Variants in NCOR1 observed in about 807,000 individuals in gnomAD.
The protein encoded by NCOR1 is protein phosphatase 1, regulatory subunit 109.
NCOR1 carries 63 observed loss-of-function variants against 288.1 expected under a neutral mutation model. The ratio of observed to expected loss-of-function variants is 0.22; its 90% CI spans 0.18 to 0.27. NCOR1 has a LOEUF of 0.27. Among genes scored for constraint, NCOR1 ranks in the 10% least tolerant of loss-of-function variants. NCOR1 has a pLI of 1.00. For missense variants in NCOR1, 2,397 were observed against 3,019.2 expected (o/e 0.79, Z 4.83); for synonymous variants, 1,007 against 1,065.9 (o/e 0.94, Z 1.08).
chr17:16,122,376 C>G (rs914720838), intron 15 of NCOR1, among the ~76,000 whole-genome samples: 5 of 152,194 alleles, frequency 3.3e-5, no homozygotes, highest in Admixed American at 1.3e-4. Context: ...TTTCCCTTTA[C>G]TTACTTATTC....
chr17:16,153,825 A>G (rs917221297), intron 6 of NCOR1, among the ~76,000 whole-genome samples: 4 of 152,138 alleles, frequency 2.6e-5, no homozygotes, highest in Non-Finnish European at 2.9e-5. Flanking sequence ...AAAATACCAT[A>G]AAATGGCCAC....
intron 1 of NCOR1, among the ~76,000 whole-genome samples, chr17:16,199,378 G>T (rs201424388): frequency 6.6e-6 from 1 of 152,112 alleles, no homozygotes; most frequent in Non-Finnish European, 1.5e-5. Context: ...TGAGATACAC[G>T]GCAACAGTGC....
In NCOR1 at chr17:16,108,179, C is replaced by CAAA. The variant is rs35417050; in HGVS notation, c.2182+604_2182+606dup. 1.6e-3 allele frequency: 236 copies of CAAA among 146,984 alleles called. 1 individual carries two copies. The highest frequency in any genetic ancestry group is 4.5e-3 in the African/African-American group (155 of 34,532). The allele number at this position is 146,984 out of a possible 1,614,324, so 9.1% of individuals were successfully genotyped here. The stretch of plus-strand genomic sequence containing the variant: ...AAATCCCCACATCAGAAGCAATTTC[C>CAAA]AAAAAAAAAAAAAAAAAATCCACAG... On this transcript the variant is annotated intron_variant, in intron 19 of 45. Transcript: ENST00000268712.
Position 16,068,006 on chromosome 17 carries a change from G to C in NCOR1, c.4629C>G (p.Ser1543Arg). The C allele has an allele frequency of 6.2e-7, 1 of 1,614,220 alleles. No homozygotes were observed. Among genetic ancestry groups the C allele is most frequent in the South Asian group, 1.1e-5 (1 of 91,090 alleles). ...TGTGATGGGGATCAAACGGACTGTG[G>C]CTCACGACAGGGTCCACCCCAGGCA... ...SPVPGVDPVV[S>R]HSPFDPHHRG... Residue 1543 changes from serine to arginine, a missense_variant, in exon 32 of 46, where the codon AGC becomes AGG. Ser to Arg is a moderately radical substitution (Grantham distance 110). Coordinates refer to ENST00000268712, the MANE Select transcript of NCOR1 (RefSeq NM_006311.4).
chr17:16,034,177 G>C (rs1172529797), intron 45 of NCOR1, among the ~76,000 whole-genome samples: 2 of 152,152 alleles, frequency 1.3e-5, no homozygotes, highest in Non-Finnish European at 2.9e-5. Context: ...AATAGTCAAT[G>C]TTCGCTACCA....
intron 3 of NCOR1, among the ~76,000 whole-genome samples, chr17:16,178,401 A>C (rs2084673183): frequency 1.3e-5 from 2 of 149,618 alleles, no homozygotes; most frequent in Non-Finnish European, 3.0e-5. Context: ...CGGGAGGCTA[A>C]GGCAGGAGAA....
chr17:16,200,271 AG>A (rs1388250404), intron 1 of NCOR1, among the ~76,000 whole-genome samples: 1 of 152,008 alleles, frequency 6.6e-6, no homozygotes, highest in African/African-American at 2.4e-5. Context: ...GCGGATCACA[AG>A]GTCAGGAGAT....
Position 16,121,188 on chromosome 17 carries a change from T to C in NCOR1, c.1716A>G (p.Arg572=), listed in dbSNP as rs2072939659. Residue 572 remains arginine (R), a synonymous_variant, in exon 16 of 46, where the codon CGA becomes CGG. Transcript: ENST00000268712. The stretch of plus-strand genomic sequence containing the variant: ...GGCGGCCCTGACTGTTGGCAGTCTT[T>C]CGCCCCCGGGGTGTGGCTTGCTCTC... ...EEREQATPRG[R]KTANSQGRRK... The C allele has an allele frequency of 6.2e-7, 1 of 1,614,186 alleles. No individual in the cohort carries two copies. The highest frequency in any genetic ancestry group is 8.5e-7 in the Non-Finnish European group (1 of 1,180,046).
intron 4 of NCOR1, among the ~76,000 whole-genome samples, chr17:16,170,850 A>G (rs1216367967): frequency 6.6e-6 from 1 of 151,952 alleles, no homozygotes; most frequent in East Asian, 1.9e-4. Context: ...CAAAAAAAAA[A>G]AAAAAGAAAA....
chr17:16,213,942 T>C (rs1285706353), intron 1 of NCOR1, among the ~76,000 whole-genome samples: 1 of 152,328 alleles, frequency 6.6e-6, no homozygotes, highest in South Asian at 2.1e-4. Context: ...ATTTTATACA[T>C]AGCTATATCC....
chr17:16,109,241 AC>A (rs1486218198), intron 18 of NCOR1, among the ~76,000 whole-genome samples: 5 of 152,072 alleles, frequency 3.3e-5, no homozygotes, highest in African/African-American at 1.2e-4. Flanking sequence ...TCTAATAAAA[AC>A]AATATATATA....
intron 2 of NCOR1, among the ~76,000 whole-genome samples, chr17:16,192,422 G>A (rs374335502): frequency 2.4e-4 from 36 of 152,334 alleles, no homozygotes; most frequent in African/African-American, 3.4e-4. Context: ...TTGGAAGGCC[G>A]AGGAGGGTGG....
At chr17:16,072,333 G>A in intron 28 of NCOR1, 105 bp from the exon 29 acceptor site, 1 of 761,960 alleles carries the variant, frequency 1.3e-6, no homozygotes, top group Non-Finnish European at 2.1e-6. Context: ...AATGCTCTAT[G>A]AAGGAAGGAA....
At chr17:16,148,747 T>C (rs1470163406) in intron 9 of NCOR1, among the ~76,000 whole-genome samples, 3 of 146,140 alleles carry the variant, frequency 2.1e-5, no homozygotes, top group Non-Finnish European at 3.0e-5. Context: ...ATTAGAACAT[T>C]AGACGTTTTC....
chr17:16,197,057 G>A lies in NCOR1; in HGVS notation c.-70-2418C>T, dbSNP rs540016171. Among the ~76,000 whole-genome samples the A allele has an allele frequency of 6.1e-4, 93 of 151,716 alleles. 2 individuals carry two copies. The South Asian group carries it at 0.011, about 17-fold the overall frequency. On this transcript the variant is annotated intron_variant, in intron 1 of 45. Coordinates refer to ENST00000268712, the MANE Select transcript of NCOR1 (RefSeq NM_006311.4). Reference sequence around the variant, plus strand: ...AACGTATAGAAAGAACTTTAAGGCCGGGCGCGGTGGCTCACGCACTTTAGG... The same window carrying A: ...AACGTATAGAAAGAACTTTAAGGCCAGGCGCGGTGGCTCACGCACTTTAGG...
intron 3 of NCOR1, among the ~76,000 whole-genome samples, chr17:16,173,810 A>T (rs178834): frequency 0.45 from 68,495 of 151,544 alleles, 16,466 homozygotes; most frequent in Middle Eastern, 0.58. Flanking sequence ...GCTCGCCTGC[A>T]ATCCCAGCTA....
chr17:16,189,218 A>C (rs1468834650), intron 2 of NCOR1, among the ~76,000 whole-genome samples: 1 of 152,040 alleles, frequency 6.6e-6, no homozygotes, highest in East Asian at 1.9e-4. Context: ...ACTTGGCGAA[A>C]CCCCGTGTGT....
At chr17:16,143,745 G>A in intron 10 of NCOR1, 49 bp from the exon 11 acceptor site, 1 of 1,328,778 alleles carries the variant, frequency 7.5e-7, no homozygotes, top group Non-Finnish European at 1.0e-6. Flanking sequence ...CTTATATAAA[G>A]ACATATCAAT....
Position 16,194,653 on chromosome 17 carries a change from G to C in NCOR1, c.-70-14C>G, listed in dbSNP as rs2089368214. 13 of 732,594 alleles carry C rather than the reference G, an allele frequency of 1.8e-5. No homozygotes were observed. The highest frequency in any genetic ancestry group is 2.9e-5 in the Non-Finnish European group (13 of 443,476). The allele number at this position is 732,594 out of a possible 1,614,324, so 45.4% of individuals were successfully genotyped here. On this transcript the variant is annotated splice_polypyrimidine_tract_variant and intron_variant, in intron 1 of 45. Coordinates refer to ENST00000268712, the MANE Select transcript of NCOR1 (RefSeq NM_006311.4). Reference sequence around the variant, plus strand: ...CTAGGAAACCACCTAAACAGGATGAGAAAAAAACAGAATTAGTAAGAACTA... The same window carrying C: ...CTAGGAAACCACCTAAACAGGATGACAAAAAAACAGAATTAGTAAGAACTA...
Sources: allele counts gnomAD v4.1 joint callset (sites outside exome capture counted in the v4.1 genomes callset), GRCh38; gene constraint gnomAD v4.1.1; transcripts MANE v1.5; gene names NCBI Gene and HGNC (gene_info 2026-07-23, HGNC 2026-07-21).